KLHL32: variants seen among roughly 807,000 people sequenced by gnomAD.
KLHL32 encodes kelch-like protein 32.
KLHL32 carries 35 observed loss-of-function variants against 64.8 expected under a neutral mutation model. The ratio of observed to expected loss-of-function variants is 0.54; its 90% CI spans 0.41 to 0.72. The LOEUF (loss-of-function observed/expected upper bound fraction) is 0.72, where lower values mean the gene tolerates loss of function less well. KLHL32 is among the 30% of genes least tolerant of loss of function. The pLI, the probability that KLHL32 is intolerant of heterozygous loss-of-function variation, is 0.00. For missense variants in KLHL32, 589 were observed against 768.5 expected (o/e 0.77, Z 2.76); for synonymous variants, 259 against 281.0 (o/e 0.92, Z 0.78).
At chr6:97,050,597 A>G (rs1384049392) in intron 4 of KLHL32, among the ~76,000 whole-genome samples, 1 of 152,188 alleles carries the variant, frequency 6.6e-6, no homozygotes. Flanking sequence ...GTGAAATAAC[A>G]AAAATAGGGG....
At chr6:96,900,496 G>A in the KLHL32 span, among the ~76,000 whole-genome samples, 1 of 152,196 alleles carries the variant, frequency 6.6e-6, no homozygotes. Context: ...AGCACACGTG[G>A]TGGTATTGTT....
At chr6:96,899,332 T>G in the KLHL32 span, among the ~76,000 whole-genome samples, 1 of 152,212 alleles carries the variant, frequency 6.6e-6, no homozygotes, top group Non-Finnish European at 1.5e-5. Flanking sequence ...TATTTCTATT[T>G]CTATGGGTGC....
chr6:97,114,497 C>A lies in KLHL32; in HGVS notation c.1342C>A (p.Leu448Ile), dbSNP rs780221148. The change falls in exon 7 of 11, where the codon CTT becomes ATT. Residue 448 changes from leucine to isoleucine, a missense_variant. Leu to Ile is a conservative substitution (Grantham distance 5). Around this residue, in one of 3 missense-constraint regions of KLHL32, gnomAD observed 226 missense variants for 353.2 expected, o/e 0.64. Coordinates refer to ENST00000369261, the MANE Select transcript of KLHL32 (RefSeq NM_052904.4). ...TGCTGGATATGTGGCTGATGGTCTT[C>A]TTTGGATATCAGGTAGAACATACCT... ...CHAGYVADGL[L>I]WISGGVTNTA... is the part of the protein sequence containing the mutation. 6.2e-7 allele frequency: 1 copy of A among 1,613,718 alleles called. No individual in the cohort carries two copies. The highest frequency in any genetic ancestry group is 1.1e-5 in the South Asian group (1 of 91,082).
chr6:97,060,976 G>T (rs562831842), intron 4 of KLHL32, among the ~76,000 whole-genome samples: 1 of 152,098 alleles, frequency 6.6e-6, no homozygotes, highest in Non-Finnish European at 1.5e-5. Context: ...GCTACAAATT[G>T]CAGGAGATGT....
At chr6:97,086,214 T>A (rs961952622) in intron 6 of KLHL32, among the ~76,000 whole-genome samples, 1 of 152,234 alleles carries the variant, frequency 6.6e-6, no homozygotes, top group African/African-American at 2.4e-5. Flanking sequence ...TATTAGCTGA[T>A]TAAACAGTGA....
chr6:97,113,842 A>G lies in KLHL32; in HGVS notation c.687A>G (p.Gln229=), dbSNP rs376553787. The G allele has an allele frequency of 2.2e-5, 36 of 1,613,998 alleles. No individual in the cohort carries two copies. Among genetic ancestry groups the G allele is most frequent in the Non-Finnish European group, 3.0e-5 (35 of 1,180,036 alleles). Residue 229 remains glutamine (Q), a synonymous_variant, in exon 7 of 11, where the codon CAA becomes CAG. Transcript: ENST00000369261. ...ACCAGTACATGGACGAGCTCCTGCA[A>G]TACATCCGCTTTGGCCTAATGGATG... ...CHYQYMDELL[Q]YIRFGLMDVD...
intron 6 of KLHL32, among the ~76,000 whole-genome samples, chr6:97,109,765 A>C (rs2128206340): frequency 6.6e-6 from 1 of 152,346 alleles, no homozygotes; most frequent in East Asian, 1.9e-4. Context: ...AGACATGGAT[A>C]TTTATCTAAT....
chr6:97,043,550 A>G (rs1190889364), intron 4 of KLHL32, among the ~76,000 whole-genome samples: 2 of 152,168 alleles, frequency 1.3e-5, no homozygotes, highest in Non-Finnish European at 2.9e-5. Flanking sequence ...TCTATAGCAT[A>G]CTAATTTCAG....
rs1788963817 is a variant in KLHL32 at position 97,061,853 on chromosome 6, G to C, written c.313-2775G>C. ...ATTGCTGGCCAAACACAAATTCCCT[G>C]GAAAAATATATTCGAACAGTCAGTC... On this transcript the variant is annotated intron_variant, in intron 4 of 10. Coordinates refer to ENST00000369261, the MANE Select transcript of KLHL32 (RefSeq NM_052904.4). Among the ~76,000 whole-genome samples the C allele has an allele frequency of 2.0e-5, 3 of 152,176 alleles. No individual in the cohort carries two copies. The South Asian group carries it at 6.2e-4, about 32-fold the overall frequency.
At chr6:97,103,217 T>C (rs1795956168) in intron 6 of KLHL32, among the ~76,000 whole-genome samples, 1 of 148,134 alleles carries the variant, frequency 6.8e-6, no homozygotes. Context: ...ATTTATCTTT[T>C]TTTTTTTTTT....
intron 3 of KLHL32, among the ~76,000 whole-genome samples, chr6:96,986,516 C>A (rs536730007): frequency 2.6e-5 from 4 of 152,200 alleles, no homozygotes; most frequent in Non-Finnish European, 5.9e-5. Context: ...GTGGTGGGCT[C>A]CACCCAATTC....
At chr6:97,021,267 C>T (rs2128104862) in intron 3 of KLHL32, among the ~76,000 whole-genome samples, 1 of 150,910 alleles carries the variant, frequency 6.6e-6, no homozygotes, top group South Asian at 2.1e-4. Context: ...TGAATGACCA[C>T]ATCACCATGT....
Position 97,041,605 on chromosome 6 carries a change from G to A in KLHL32, c.312+6G>A, listed in dbSNP as rs1785131219. ...AGTTTGCATACACAGGACAGGTATG[G>A]TATTAAATGTGATCTGTAAAGTTTA... On this transcript the variant is annotated splice_donor_region_variant and intron_variant, in intron 4 of 10. Transcript: ENST00000369261. 1 of 1,536,234 alleles carries A rather than the reference G, an allele frequency of 6.5e-7. No homozygotes were observed.
intron 4 of KLHL32, chr6:97,062,514 T>C (rs1789072887): frequency 1.3e-5 from 2 of 152,238 alleles, no homozygotes; most frequent in Non-Finnish European, 2.9e-5. Context: ...GTTGGTATTT[T>C]TGCCACATGT....
intron 5 of KLHL32, among the ~76,000 whole-genome samples, chr6:97,080,197 G>A (rs550134016): frequency 1.8e-4 from 28 of 152,126 alleles, no homozygotes; most frequent in African/African-American, 4.8e-4. Context: ...ATTTTCCCAC[G>A]CAGAAAACAG....
intron 3 of KLHL32, among the ~76,000 whole-genome samples, chr6:96,986,515 T>A (rs185179175): frequency 2.6e-5 from 4 of 152,328 alleles, no homozygotes; most frequent in Admixed American, 6.5e-5. Context: ...TGTGGTGGGC[T>A]CCACCCAATT....
chr6:97,130,690 C>A, intron 8 of KLHL32, 67 bp from the exon 9 acceptor site: 1 of 1,246,708 alleles, frequency 8.0e-7, no homozygotes, highest in Non-Finnish European at 1.1e-6. Flanking sequence ...ACTTATGAGG[C>A]ACTCGTTGCT....
chr6:96,953,179 A>G (rs1421997670), intron 1 of KLHL32, among the ~76,000 whole-genome samples: 2 of 152,222 alleles, frequency 1.3e-5, no homozygotes, highest in African/African-American at 2.4e-5. Flanking sequence ...TCAGATGATT[A>G]CAAATTTGAT....
At chr6:96,977,367 T>A (rs763182483) in intron 3 of KLHL32, among the ~76,000 whole-genome samples, 17 of 152,220 alleles carry the variant, frequency 1.1e-4, no homozygotes, top group Non-Finnish European at 2.1e-4. Flanking sequence ...TGTGATAGTC[T>A]GCTTCATATA....
Sources: gnomAD v4.1 joint callset for allele counts (sites outside exome capture counted in the v4.1 genomes callset) on GRCh38, gnomAD v4.1.1 for gene constraint, gnomAD v4.1.1 regional missense constraint, MANE v1.5 for transcripts, NCBI Gene and HGNC (gene_info 2026-07-23, HGNC 2026-07-21) for gene names.